The following RANBP3 variants were observed in gnomAD, a reference collection of about 807,000 sequenced individuals.
RANBP3 encodes ran-binding protein 3.
RANBP3 carries 14 observed loss-of-function variants against 77.3 expected under a neutral mutation model. The ratio of observed to expected loss-of-function variants is 0.18; its 90% CI spans 0.12 to 0.28. RANBP3 has a LOEUF of 0.28. Ranked by LOEUF, RANBP3 falls within the 10% of genes least tolerant of loss-of-function variation. RANBP3 has a pLI of 1.00. For missense variants in RANBP3, 586 were observed against 752.3 expected (o/e 0.78, Z 2.59); for synonymous variants, 315 against 312.4 (o/e 1.01, Z -0.09).
In RANBP3 at chr19:5,921,770, C is replaced by T. The variant is rs139594973; in HGVS notation, c.1210-449G>A. Among the ~76,000 whole-genome samples, 3 of 152,346 alleles carry T rather than the reference C, an allele frequency of 2.0e-5. No homozygotes were observed. In the East Asian group the frequency reaches 5.8e-4, roughly 29 times the overall value. On this transcript the variant is annotated intron_variant, in intron 13 of 16. Transcript: ENST00000340578. This position sits in a 1 kb window ranked among gnomAD's most constrained non-coding sequence, Gnocchi z 5.3. ...CATTTGTTCGTGTTCACACACAGATCGCACATGAACGTGCACAGCACCATC... is the reference window on the plus strand; with the variant it reads ...CATTTGTTCGTGTTCACACACAGATTGCACATGAACGTGCACAGCACCATC...
intron 2 of RANBP3, among the ~76,000 whole-genome samples, chr19:5,951,818 C>T (rs1217624197): frequency 6.6e-6 from 1 of 152,170 alleles, no homozygotes; most frequent in Non-Finnish European, 1.5e-5. Flanking sequence ...TGCCATGTGA[C>T]TTTGCAGGGA....
intron 12 of RANBP3, among the ~76,000 whole-genome samples, chr19:5,923,534 G>A (rs973423219): frequency 3.3e-5 from 5 of 152,100 alleles, no homozygotes; most frequent in South Asian, 4.1e-4. Flanking sequence ...TCTCGTGTTC[G>A]TGCCGAGCAG....
rs979525045 is a variant in RANBP3, at chr19:5,952,721, G to A, written c.79-1125C>T. Among the ~76,000 whole-genome samples, 3 of 152,194 alleles carry A rather than the reference G, an allele frequency of 2.0e-5. No homozygotes were observed. Among genetic ancestry groups the A allele is most frequent in the Non-Finnish European group, 2.9e-5 (2 of 68,036 alleles). On this transcript the variant is annotated intron_variant, in intron 2 of 16. Coordinates refer to ENST00000340578, the MANE Select transcript of RANBP3 (RefSeq NM_007322.3). This position sits in a 1 kb window ranked among gnomAD's most constrained non-coding sequence, Gnocchi z 4.1. ...AAAGCAGTGATCCGGGAGGAGGAAA[G>A]GAGCTACAGAAAGAGGATGTAAGAG...
At chr19:5,930,726 G>A (rs1257319754) in intron 8 of RANBP3, among the ~76,000 whole-genome samples, 1 of 152,140 alleles carries the variant, frequency 6.6e-6, no homozygotes, top group East Asian at 1.9e-4. Context: ...ATGCTACCAT[G>A]CCTGGCTAAT....
intron 3 of RANBP3, among the ~76,000 whole-genome samples, chr19:5,945,954 A>AACGTACCTTTCCCTCGT (rs1217339868): frequency 6.6e-6 from 1 of 151,072 alleles, no homozygotes; most frequent in African/African-American, 2.4e-5. Flanking sequence ...GCCCCCCGAG[A>AACGTACCTTTCCCTCGT]ACGTACCTTT....
At chr19:5,955,814 T>C (rs958341298) in intron 2 of RANBP3, among the ~76,000 whole-genome samples, 4 of 152,232 alleles carry the variant, frequency 2.6e-5, no homozygotes, top group Non-Finnish European at 5.9e-5. Flanking sequence ...AAGGGGATAG[T>C]TGTGGCTCTG....
At chr19:5,968,370 T>G (rs531834404) in intron 1 of RANBP3, among the ~76,000 whole-genome samples, 1 of 152,216 alleles carries the variant, frequency 6.6e-6, no homozygotes, top group Non-Finnish European at 1.5e-5. Flanking sequence ...TCTGGCACAA[T>G]GTCTTCATTT....
intron 3 of RANBP3, among the ~76,000 whole-genome samples, chr19:5,942,851 C>G (rs983767611): frequency 5.3e-5 from 8 of 152,072 alleles, no homozygotes; most frequent in Admixed American, 1.3e-4. Context: ...GAGACTCTGT[C>G]TTTATAAAAA....
chr19:5,917,668 C>A lies in RANBP3; in HGVS notation c.1661-15G>T. 1 of 1,605,408 alleles carries A rather than the reference C, an allele frequency of 6.2e-7. No individual in the cohort carries two copies. The highest frequency in any genetic ancestry group is 2.2e-5 in the East Asian group (1 of 44,760). On this transcript the variant is annotated splice_polypyrimidine_tract_variant and intron_variant, in intron 16 of 16. Transcript: ENST00000340578. ...GTCACCAGCACCTGCAGGGAAGCAG[C>A]AGCCCCGCATCAGGATGGAGCCCGC...
In RANBP3 at chr19:5,959,368, C is replaced by G. The variant is rs2058372697; in HGVS notation, c.23-1395G>C. Among the ~76,000 whole-genome samples the G allele has an allele frequency of 6.6e-6, 1 of 152,100 alleles. No individual in the cohort carries two copies. Among genetic ancestry groups the G allele is most frequent in the East Asian group, 1.9e-4 (1 of 5,174 alleles). On this transcript the variant is annotated intron_variant, in intron 1 of 16. Coordinates refer to ENST00000340578, the MANE Select transcript of RANBP3 (RefSeq NM_007322.3). The surrounding 1 kb of genome is among the most constrained non-coding windows in gnomAD (Gnocchi z 5.1). ...ATGACCAAACAGACACCATCCCACT[C>G]CTGCAGACGCAGGACAGACTCTGGT...
intron 10 of RANBP3, 142 bp from the exon 11 acceptor site, chr19:5,925,047 G>C (rs988975046): frequency 5.2e-6 from 4 of 769,896 alleles, no homozygotes; most frequent in Admixed American, 3.9e-5. Flanking sequence ...GCGTGTCAGA[G>C]GCAGGAAGCC....
intron 2 of RANBP3, among the ~76,000 whole-genome samples, 184 bp downstream of exon 2, chr19:5,957,734 C>T (rs759837195): frequency 9.2e-5 from 14 of 152,132 alleles, no homozygotes; most frequent in African/African-American, 1.9e-4. Context: ...CCTCTCTCCA[C>T]GGTAACCTAA....
intron 1 of RANBP3, among the ~76,000 whole-genome samples, chr19:5,969,252 C>T (rs764713397): frequency 9.2e-5 from 14 of 152,202 alleles, no homozygotes; most frequent in Non-Finnish European, 1.9e-4. Flanking sequence ...ACCATCAATG[C>T]TGCAAAACAT....
chr19:5,965,136 T>TG (rs1257806816), intron 1 of RANBP3, among the ~76,000 whole-genome samples: 1 of 149,750 alleles, frequency 6.7e-6, no homozygotes, highest in African/African-American at 2.5e-5. Context: ...TCTGAGGAGG[T>TG]GGGGGGCTTG....
chr19:5,975,747 G>A (rs963146475), intron 1 of RANBP3, among the ~76,000 whole-genome samples: 1 of 150,288 alleles, frequency 6.7e-6, no homozygotes, highest in African/African-American at 2.5e-5. Flanking sequence ...GGCCAGAGAA[G>A]CTCTCATTAA....
rs149122945 is a variant in RANBP3, at chr19:5,921,928, G to A, written c.1210-607C>T. Among the ~76,000 whole-genome samples the A allele has an allele frequency of 2.0e-4, 30 of 152,306 alleles. No homozygotes were observed. Among genetic ancestry groups the A allele is most frequent in the African/African-American group, 6.7e-4 (28 of 41,554 alleles). On this transcript the variant is annotated intron_variant, in intron 13 of 16. Coordinates refer to ENST00000340578, the MANE Select transcript of RANBP3 (RefSeq NM_007322.3). This position sits in a 1 kb window ranked among gnomAD's most constrained non-coding sequence, Gnocchi z 5.3. The stretch of plus-strand genomic sequence containing the variant: ...AACGTGGATGAACCTCTGGCTCAGC[G>A]AGAGAAGCCAGACACGAAAGGCCAC...
At chr19:5,954,169 A>G (rs933643618) in intron 2 of RANBP3, among the ~76,000 whole-genome samples, 4 of 152,168 alleles carry the variant, frequency 2.6e-5, no homozygotes, top group African/African-American at 9.7e-5. Context: ...TCTCCTTTGA[A>G]TGGCGTGAGA....
intron 2 of RANBP3, 102 bp from the exon 3 acceptor site, chr19:5,951,698 A>C (rs1599769474): frequency 9.3e-7 from 1 of 1,075,580 alleles, no homozygotes; most frequent in Non-Finnish European, 1.4e-6. Flanking sequence ...CTCAGCTTGC[A>C]GCAGCTCCTG....
intron 1 of RANBP3, among the ~76,000 whole-genome samples, chr19:5,972,713 C>T (rs1417615617): frequency 2.0e-5 from 3 of 152,232 alleles, no homozygotes; most frequent in African/African-American, 7.2e-5. Flanking sequence ...CAGGCCTATT[C>T]ACTGTCTGAA....
Sources: allele counts gnomAD v4.1 joint callset (sites outside exome capture counted in the v4.1 genomes callset), GRCh38; gene constraint gnomAD v4.1.1; non-coding constraint Gnocchi (gnomAD v3.1); transcripts MANE v1.5; gene names NCBI Gene and HGNC (gene_info 2026-07-23, HGNC 2026-07-21).